PCDH15: variants seen among roughly 807,000 people sequenced by gnomAD.
PCDH15 encodes the protein protocadherin-15.
Under a neutral mutation model 178.5 loss-of-function variants are expected in PCDH15, and 129 were observed. The ratio of observed to expected loss-of-function variants is 0.72; its 90% CI spans 0.63 to 0.84. PCDH15 has a LOEUF of 0.84. PCDH15 is among the 40% of genes least tolerant of loss of function. The pLI is 0.00. For synonymous variants in PCDH15, 800 were observed against 732.0 expected (o/e 1.09, Z -1.50); for missense variants, 2,230 against 2,099.9 (o/e 1.06, Z -1.21).
intron 8 of PCDH15, among the ~76,000 whole-genome samples, chr10:54,312,330 A>C (rs1169401600): frequency 6.6e-6 from 1 of 152,146 alleles, no homozygotes; most frequent in Non-Finnish European, 1.5e-5. Flanking sequence ...ATAACAATGT[A>C]CATAAAAACC....
At chr10:54,274,520 G>C (rs2058236006) in intron 8 of PCDH15, among the ~76,000 whole-genome samples, 1 of 151,816 alleles carries the variant, frequency 6.6e-6, no homozygotes, top group Admixed American at 6.6e-5. Context: ...TCAGAGCCTA[G>C]AACAGGGCCT....
At chr10:55,302,447 G>T (rs2488843) in intron 1 of PCDH15, among the ~76,000 whole-genome samples, 22,977 of 152,040 alleles carry the variant, frequency 0.15, 1,919 homozygotes, top group Middle Eastern at 0.24. Context: ...ATATGACCAT[G>T]AAAGCTAGTA....
intron 15 of PCDH15, among the ~76,000 whole-genome samples, chr10:54,116,046 G>A (rs908853334): frequency 4.6e-5 from 7 of 152,060 alleles, no homozygotes; most frequent in Admixed American, 3.3e-4. Flanking sequence ...GAAGTTAAGG[G>A]GAAGAAGTAT....
At chr10:55,463,773 T>C (rs1458920493) in intron 2 of PCDH15, among the ~76,000 whole-genome samples, 1 of 151,756 alleles carries the variant, frequency 6.6e-6, no homozygotes, top group Non-Finnish European at 1.5e-5. Context: ...TATAACAATA[T>C]ATTTGTCCTT....
chr10:55,598,852 A>G (rs1302575614), intron 2 of PCDH15, among the ~76,000 whole-genome samples: 3 of 152,016 alleles, frequency 2.0e-5, no homozygotes, highest in Non-Finnish European at 4.4e-5. Context: ...TGTACTGGAA[A>G]GTGCACCTGG....
chr10:54,232,920 C>CTTTATTTT, intron 9 of PCDH15, among the ~76,000 whole-genome samples: 1 of 126,620 alleles, frequency 7.9e-6, no homozygotes, highest in African/African-American at 3.4e-5. Context: ...GTTTAGCTTT[C>CTTTATTTT]TTTCTTTTTT....
intron 1 of PCDH15, among the ~76,000 whole-genome samples, chr10:55,316,959 C>T (rs963179559): frequency 2.6e-5 from 4 of 152,138 alleles, no homozygotes; most frequent in Non-Finnish European, 4.4e-5. Flanking sequence ...TAAATCTCAA[C>T]GTTTCTAAAC....
intron 1 of PCDH15, among the ~76,000 whole-genome samples, chr10:55,219,546 A>G (rs1039556018): frequency 2.0e-5 from 3 of 151,406 alleles, no homozygotes; most frequent in Non-Finnish European, 2.9e-5. Flanking sequence ...TAATTAATAT[A>G]CTGTTTCAGA....
intron 5 of PCDH15, among the ~76,000 whole-genome samples, chr10:54,363,928 A>G (rs1188923541): frequency 1.3e-5 from 2 of 152,088 alleles, no homozygotes; most frequent in Non-Finnish European, 2.9e-5. Context: ...TTTAAAAAAT[A>G]TTGGACGGTC....
chr10:53,867,593 A>G (rs954202561), intron 26 of PCDH15, among the ~76,000 whole-genome samples: 16 of 152,136 alleles, frequency 1.1e-4, no homozygotes, highest in Admixed American at 3.9e-4. Flanking sequence ...TTTGGTTTAC[A>G]GGTTTGTTGA....
chr10:55,325,267 A>G (rs1467055918), intron 2 of PCDH15, among the ~76,000 whole-genome samples: 1 of 152,164 alleles, frequency 6.6e-6, no homozygotes, highest in East Asian at 1.9e-4. Context: ...AGCTTGGGCA[A>G]CCCTAAGCAA....
At chr10:53,916,040 T>C (rs2083498554) in intron 25 of PCDH15, among the ~76,000 whole-genome samples, 1 of 152,174 alleles carries the variant, frequency 6.6e-6, no homozygotes, top group Admixed American at 6.6e-5. Flanking sequence ...GCATATAACA[T>C]ATACACATCT....
In PCDH15 at chr10:53,940,909, A is replaced by C; in HGVS notation, c.3189T>G (p.Ile1063Met). The change falls in exon 24 of 38, where the codon ATT (isoleucine) becomes ATG (methionine). Residue 1063 changes from isoleucine to methionine, a missense_variant. By Grantham distance (10) the Ile-to-Met change is conservative (BLOSUM62 1). Transcript: ENST00000644397. The stretch of plus-strand genomic sequence containing the variant: ...CAATGGAGTACACAATACTTTGATT[A>C]ATGGCAGCAGCAGAAATTACACCAA... ...TMVGVISAAA[I>M]NQSIVYSIVS... The C allele has an allele frequency of 6.2e-7, 1 of 1,613,766 alleles. No homozygotes were observed. The highest frequency in any genetic ancestry group is 1.3e-5 in the African/African-American group (1 of 75,040).
At chr10:54,555,467 C>T (rs1387156709) in intron 2 of PCDH15, among the ~76,000 whole-genome samples, 2 of 151,942 alleles carry the variant, frequency 1.3e-5, no homozygotes, top group East Asian at 3.9e-4. Flanking sequence ...CACGGTGGCT[C>T]ACGCCTGTAA....
At position 54,196,421 on chromosome 10, in the gene PCDH15, C is replaced by T. The variant is rs573104286; in HGVS notation, c.1099-532G>A. ...CCTCCCAAAGTGCTGGGATTACAGGCGTGAGCCACCGCGCCCAGCCAAATT... is the reference window on the plus strand; with the variant it reads ...CCTCCCAAAGTGCTGGGATTACAGGTGTGAGCCACCGCGCCCAGCCAAATT... On this transcript the variant is annotated intron_variant, in intron 10 of 37. Transcript: ENST00000644397. 4.1e-3 allele frequency among the ~76,000 whole-genome samples: 627 copies of T among 152,236 alleles called. 5 individuals carry two copies. The highest frequency in any genetic ancestry group is 0.02 in the Middle Eastern group (6 of 294).
In PCDH15 at chr10:53,857,229, A is replaced by G; in HGVS notation, c.3752T>C (p.Ile1251Thr). The change falls in exon 28 of 38, where the codon ATT (isoleucine) becomes ACT (threonine). Residue 1251 changes from isoleucine to threonine, a missense_variant. Ile to Thr is a moderately conservative substitution (Grantham distance 89). Transcript: ENST00000644397. Reference sequence around the variant, plus strand: ...TAGAGTAGGAGGCACATTGGAAACAATGACTTGCATATCCAGCTGATTGAC... The same window carrying G: ...TAGAGTAGGAGGCACATTGGAAACAGTGACTTGCATATCCAGCTGATTGAC... ...SVVNQLDMQV[I>T]VSNVPPTLVE... is the part of the protein sequence containing the mutation. 6.2e-7 allele frequency: 1 copy of G among 1,612,124 alleles called. No homozygotes were observed. Among genetic ancestry groups the G allele is most frequent in the Non-Finnish European group, 8.5e-7 (1 of 1,178,460 alleles).
chr10:55,197,792 G>A (rs1166504873), intron 1 of PCDH15, among the ~76,000 whole-genome samples: 3 of 152,058 alleles, frequency 2.0e-5, no homozygotes. Context: ...TGAGCTAGAA[G>A]TTATAATACA....
intron 2 of PCDH15, among the ~76,000 whole-genome samples, chr10:54,946,917 T>C (rs554711481): frequency 1.1e-4 from 16 of 152,038 alleles, no homozygotes; most frequent in Non-Finnish European, 2.1e-4. Flanking sequence ...GAGAACTTCA[T>C]CTGCTGTGTA....
chr10:54,839,139 C>T (rs1254249757), intron 3 of PCDH15, among the ~76,000 whole-genome samples: 1 of 152,094 alleles, frequency 6.6e-6, no homozygotes, highest in African/African-American at 2.4e-5. Flanking sequence ...TACAGGCAAA[C>T]ATGATACCAC....
Sources: gnomAD v4.1 joint callset for allele counts (sites outside exome capture counted in the v4.1 genomes callset) on GRCh38, gnomAD v4.1.1 for gene constraint, MANE v1.5 for transcripts, NCBI Gene and HGNC (gene_info 2026-07-23, HGNC 2026-07-21) for gene names.